FIGN: variants seen among roughly 807,000 people sequenced by gnomAD.
FIGN encodes fidgetin, microtubule severing factor.
Under a neutral mutation model 51.3 loss-of-function variants are expected in FIGN, and 11 were observed. The ratio of observed to expected loss-of-function variants is 0.21; its 90% CI spans 0.13 to 0.35. The LOEUF (loss-of-function observed/expected upper bound fraction) is 0.35, where lower values mean the gene tolerates loss of function less well. Ranked by LOEUF, FIGN falls within the 10% of genes least tolerant of loss-of-function variation. The probability of loss-of-function intolerance (pLI) is 1.00; values close to 1 mark genes in which losing one functional copy is unlikely to be tolerated. For missense variants in FIGN, 857 were observed against 943.6 expected (o/e 0.91, Z 1.20); for synonymous variants, 407 against 363.2 (o/e 1.12, Z -1.37).
intron 2 of FIGN, among the ~76,000 whole-genome samples, chr2:163,665,040 AG>A (rs1683751142): frequency 6.6e-6 from 1 of 152,218 alleles, no homozygotes; most frequent in Non-Finnish European, 1.5e-5. Context: ...ATTTGCCAAG[AG>A]TCTGTTTGTG....
intron 2 of FIGN, among the ~76,000 whole-genome samples, chr2:163,721,905 C>T (rs1285448128): frequency 1.3e-5 from 2 of 152,130 alleles, no homozygotes; most frequent in Non-Finnish European, 2.9e-5. Context: ...TCTGGTACAT[C>T]TTTAGGTTTA....
At chr2:163,676,460 T>TCTAGAGTCTGTGCTCTAG (rs1683968633) in intron 2 of FIGN, among the ~76,000 whole-genome samples, 1 of 98,008 alleles carries the variant, frequency 1.0e-5, no homozygotes, top group African/African-American at 3.6e-5. Flanking sequence ...TATATATATA[T>TCTAGAGTCTGTGCTCTAG]ATATATATAT....
At chr2:163,722,503 G>T (rs934006851) in intron 2 of FIGN, among the ~76,000 whole-genome samples, 1 of 152,124 alleles carries the variant, frequency 6.6e-6, no homozygotes, top group Admixed American at 6.6e-5. Flanking sequence ...AATATTTTAT[G>T]ATTTCTGTAC....
At chr2:163,672,410 G>A (rs370310317) in intron 2 of FIGN, among the ~76,000 whole-genome samples, 1 of 152,248 alleles carries the variant, frequency 6.6e-6, no homozygotes, top group South Asian at 2.1e-4. Context: ...CATGTTTATA[G>A]GATGAAGTGC....
chr2:163,720,303 C>A (rs1684736689), intron 2 of FIGN, among the ~76,000 whole-genome samples: 1 of 152,174 alleles, frequency 6.6e-6, no homozygotes, highest in Non-Finnish European at 1.5e-5. Flanking sequence ...TCTTCAAGGA[C>A]ATATGCATGA....
rs78125144 is a variant in FIGN, at chr2:163,698,351, G to T, written c.25+36552C>A. Among the ~76,000 whole-genome samples, 361 of 152,150 alleles carry T rather than the reference G, an allele frequency of 2.4e-3. 2 individuals are homozygous for T. Among genetic ancestry groups the T allele is most frequent in the Admixed American group, 5.9e-3 (90 of 15,270 alleles). On this transcript the variant is annotated intron_variant, in intron 2 of 2. Coordinates refer to ENST00000333129, the MANE Select transcript of FIGN (RefSeq NM_018086.4). Reference sequence around the variant, plus strand: ...AGAAGAAAGATAGAAGACCTAGATGGCCTGTGGTCATTACCTGCCCCTTTG... The same window carrying T: ...AGAAGAAAGATAGAAGACCTAGATGTCCTGTGGTCATTACCTGCCCCTTTG...
intron 2 of FIGN, among the ~76,000 whole-genome samples, chr2:163,662,519 G>A (rs1371495764): frequency 6.6e-6 from 1 of 152,138 alleles, no homozygotes; most frequent in Non-Finnish European, 1.5e-5. Context: ...CCAAGACCAC[G>A]GGGAAAATGT....
chr2:163,670,589 T>G (rs13382664), intron 2 of FIGN, among the ~76,000 whole-genome samples: 5,215 of 152,262 alleles, frequency 0.034, 261 homozygotes, highest in African/African-American at 0.11. Flanking sequence ...TTTAAAAAAT[T>G]TTAGTTGACA....
chr2:163,727,885 C>T (rs893883297), intron 2 of FIGN, among the ~76,000 whole-genome samples: 1 of 152,126 alleles, frequency 6.6e-6, no homozygotes, highest in Non-Finnish European at 1.5e-5. Context: ...TTGAGAAGTA[C>T]TTTGGGAAGC....
intron 2 of FIGN, among the ~76,000 whole-genome samples, chr2:163,733,037 A>G (rs1188897549): frequency 6.6e-6 from 1 of 152,238 alleles, no homozygotes; most frequent in Non-Finnish European, 1.5e-5. Flanking sequence ...AGAGTAAAGA[A>G]TTAGAAAACA....
intron 2 of FIGN, among the ~76,000 whole-genome samples, chr2:163,641,630 A>G (rs1683306927): frequency 1.3e-5 from 2 of 152,254 alleles, no homozygotes; most frequent in South Asian, 4.1e-4. Flanking sequence ...AATGTTAAAG[A>G]TACTCCTTCA....
intron 2 of FIGN, among the ~76,000 whole-genome samples, chr2:163,621,627 C>T (rs1396393473): frequency 6.6e-6 from 1 of 152,124 alleles, no homozygotes; most frequent in Admixed American, 6.6e-5. Flanking sequence ...TTCATTTTCC[C>T]CACCCTGCCC....
chr2:163,613,630 T>G (rs1420359090), intron 2 of FIGN, among the ~76,000 whole-genome samples: 3 of 152,214 alleles, frequency 2.0e-5, no homozygotes, highest in Admixed American at 2.0e-4. Flanking sequence ...GATGCTGTGC[T>G]AATTGTGTTA....
At chr2:163,699,237 T>A (rs1466656298) in intron 2 of FIGN, among the ~76,000 whole-genome samples, 1 of 152,182 alleles carries the variant, frequency 6.6e-6, no homozygotes, top group Non-Finnish European at 1.5e-5. Flanking sequence ...GAAAGGCAGG[T>A]ATGAAGAAAT....
chr2:163,612,427 C>A (rs1691286404), intron 2 of FIGN: 3 of 985,184 alleles, frequency 3.0e-6, no homozygotes, highest in Non-Finnish European at 3.6e-6. Flanking sequence ...TAATCCAACT[C>A]TCATCTAAAG....
rs181015162 is a variant in FIGN, at chr2:163,619,980, A to T, written c.26-8174T>A. Among the ~76,000 whole-genome samples the T allele has an allele frequency of 1.1e-3, 162 of 152,034 alleles. 1 individual carries two copies. Among genetic ancestry groups the T allele is most frequent in the South Asian group, 4.6e-3 (22 of 4,818 alleles). The stretch of plus-strand genomic sequence containing the variant: ...TTTGAATAATAATCTAAAACCAAGT[A>T]AAAAAAAGTGTACAAAACTGTGTAT... On this transcript the variant is annotated intron_variant, in intron 2 of 2. Transcript: ENST00000333129.
chr2:163,604,233 ATGT>A lies in FIGN; in HGVS notation c.*5316_*5318del, dbSNP rs1392832379. On this transcript the variant is annotated 3_prime_UTR_variant, in exon 3 of 3. Coordinates refer to ENST00000333129, the MANE Select transcript of FIGN (RefSeq NM_018086.4). ...TGAGGGTGTCAGTCAAAATATAAAA[ATGT>A]TGTTTGAATTTGTTTGTCTTAAGTA... 2 of 152,090 alleles carry A rather than the reference ATGT, an allele frequency of 1.3e-5. No homozygotes were observed. The highest frequency in any genetic ancestry group is 1.3e-4 in the Admixed American group (2 of 15,240). The allele number at this position is 152,090 out of a possible 1,614,324, so 9.4% of individuals were successfully genotyped here. A position where few individuals can be genotyped will look rare whatever the true frequency, so the allele number is the denominator to read the frequency against.
chr2:163,623,856 A>T (rs1337624978), intron 2 of FIGN, among the ~76,000 whole-genome samples: 1 of 152,126 alleles, frequency 6.6e-6, no homozygotes, highest in African/African-American at 2.4e-5. Context: ...AAATTATTTT[A>T]TCTAGCTCAA....
intron 2 of FIGN, among the ~76,000 whole-genome samples, chr2:163,625,230 A>G (rs1284889696): frequency 2.6e-5 from 4 of 152,034 alleles, no homozygotes; most frequent in African/African-American, 9.7e-5. Flanking sequence ...ATTATACATG[A>G]AAATGTATCC....
Sources: gnomAD v4.1 joint callset for allele counts (sites outside exome capture counted in the v4.1 genomes callset) on GRCh38, gnomAD v4.1.1 for gene constraint, MANE v1.5 for transcripts, NCBI Gene and HGNC (gene_info 2026-07-23, HGNC 2026-07-21) for gene names.